Variants in GALNT14 observed in about 807,000 individuals in gnomAD.
GALNT14 encodes polypeptide N-acetylgalactosaminyltransferase 14, also known as UDP-GalNAc:polypeptide N-acetylgalactosaminyltransferase 14.
GALNT14 carries 60 observed loss-of-function variants against 77.5 expected under a neutral mutation model. The observed-to-expected ratio is 0.77, with a 90% CI of 0.63 to 0.96. The LOEUF (loss-of-function observed/expected upper bound fraction) is 0.96, where lower values mean the gene tolerates loss of function less well. Among genes scored for constraint, GALNT14 ranks in the 40% least tolerant of loss-of-function variants. The pLI is 0.00. For missense variants in GALNT14, 710 were observed against 731.0 expected (o/e 0.97, Z 0.33); for synonymous variants, 280 against 281.7 (o/e 0.99, Z 0.06).
chr2:31,016,783 G>A (rs1024850314), intron 1 of GALNT14, among the ~76,000 whole-genome samples: 1 of 152,122 alleles, frequency 6.6e-6, no homozygotes, highest in African/African-American at 2.4e-5. Context: ...CGCCTGCCCT[G>A]TCTTGCTTCC....
At chr2:30,922,460 G>A (rs571876027) in intron 13 of GALNT14, among the ~76,000 whole-genome samples, 22 of 152,302 alleles carry the variant, frequency 1.4e-4, no homozygotes, top group African/African-American at 4.1e-4. Flanking sequence ...CAGCCTCACC[G>A]TCTGCTGCTC....
At chr2:31,022,739 A>C (rs1355570287) in intron 1 of GALNT14, among the ~76,000 whole-genome samples, 1 of 152,236 alleles carries the variant, frequency 6.6e-6, no homozygotes, top group East Asian at 1.9e-4. Context: ...AGTACTCCCT[A>C]ATATGTAATT....
At chr2:31,015,230 T>C (rs1671277549) in intron 1 of GALNT14, among the ~76,000 whole-genome samples, 1 of 150,014 alleles carries the variant, frequency 6.7e-6, no homozygotes, top group South Asian at 2.1e-4. Flanking sequence ...AGGCTGAGGT[T>C]GCAGTGAGCC....
chr2:31,013,046 A>T (rs1671132457), intron 1 of GALNT14, among the ~76,000 whole-genome samples: 1 of 152,220 alleles, frequency 6.6e-6, no homozygotes, highest in African/African-American at 2.4e-5. Context: ...AGGAAATCTA[A>T]TTACTGATAC....
chr2:30,969,709 C>T (rs1359793614), intron 2 of GALNT14, among the ~76,000 whole-genome samples: 1 of 152,130 alleles, frequency 6.6e-6, no homozygotes, highest in Non-Finnish European at 1.5e-5. Context: ...CCACGTGAGG[C>T]AGTTCCCAGA....
At chr2:31,089,045 G>A (rs1220871348) in intron 1 of GALNT14, among the ~76,000 whole-genome samples, 1 of 152,234 alleles carries the variant, frequency 6.6e-6, no homozygotes. Flanking sequence ...AGTGGAGAAT[G>A]TCTTTAGCCT....
At chr2:31,017,471 C>G (rs1251706849) in intron 1 of GALNT14, among the ~76,000 whole-genome samples, 3 of 152,144 alleles carry the variant, frequency 2.0e-5, no homozygotes, top group Admixed American at 1.3e-4. Context: ...TGAGAAAACA[C>G]AAGATTTTAA....
intron 1 of GALNT14, among the ~76,000 whole-genome samples, chr2:31,059,490 T>TG (rs1194027332): frequency 3.3e-5 from 5 of 151,978 alleles, no homozygotes; most frequent in Non-Finnish European, 5.9e-5. Context: ...TACGAGGAGG[T>TG]GGGGCCTTAG....
At chr2:30,919,162 T>C (rs1209050658) in intron 13 of GALNT14, among the ~76,000 whole-genome samples, 1 of 151,940 alleles carries the variant, frequency 6.6e-6, no homozygotes. Flanking sequence ...CTTTCACAAA[T>C]ATTTTTCTAG....
intron 2 of GALNT14, among the ~76,000 whole-genome samples, chr2:30,986,744 G>C (rs933743528): frequency 6.6e-6 from 1 of 152,274 alleles, no homozygotes; most frequent in African/African-American, 2.4e-5. Context: ...CAGTGAATTC[G>C]TTATTTAAAA....
At chr2:30,964,325 G>A (rs1573048574) in intron 3 of GALNT14, among the ~76,000 whole-genome samples, 1 of 152,148 alleles carries the variant, frequency 6.6e-6, no homozygotes, top group South Asian at 2.1e-4. Context: ...GCAGGGCTGT[G>A]GTCTGGCACT....
At position 30,910,622 on chromosome 2, in the gene GALNT14, C is replaced by T; in HGVS notation, c.*279G>A. ...AGGAAAAGGAACAATAAACACTTCC[C>T]ATTAGGTTTCTGTCTCCAGATACCA... On this transcript the variant is annotated 3_prime_UTR_variant, in exon 15 of 15. Transcript: ENST00000349752. 1 of 357,876 alleles carries T rather than the reference C, an allele frequency of 2.8e-6. No homozygotes were observed. 22.2% of individuals were successfully genotyped at this position (357,876 alleles called of 1,614,324 possible). A position where few individuals can be genotyped will look rare whatever the true frequency, so the allele number is the denominator to read the frequency against.
chr2:31,134,191 G>A (rs1486031525), intron 1 of GALNT14, among the ~76,000 whole-genome samples: 1 of 152,210 alleles, frequency 6.6e-6, no homozygotes, highest in Non-Finnish European at 1.5e-5. Flanking sequence ...TAAGGGTCGG[G>A]TAGTTCCCCA....
intron 1 of GALNT14, among the ~76,000 whole-genome samples, chr2:31,121,156 G>A (rs1678393726): frequency 6.6e-6 from 1 of 152,210 alleles, no homozygotes; most frequent in African/African-American, 2.4e-5. Flanking sequence ...CAGCATGCCT[G>A]TCCAAGGGCA....
At chr2:30,974,891 G>C (rs1668548327) in intron 2 of GALNT14, among the ~76,000 whole-genome samples, 1 of 152,254 alleles carries the variant, frequency 6.6e-6, no homozygotes, top group African/African-American at 2.4e-5. Context: ...AATGAGTGGA[G>C]GGATAAGTGA....
At chr2:31,126,485 C>A (rs554165501) in intron 1 of GALNT14, among the ~76,000 whole-genome samples, 6 of 152,146 alleles carry the variant, frequency 3.9e-5, no homozygotes, top group Non-Finnish European at 8.8e-5. Context: ...ACATGAAAAA[C>A]CAACCTAAGA....
the GALNT14 span, among the ~76,000 whole-genome samples, chr2:30,902,473 C>T: frequency 4.7e-4 from 72 of 152,240 alleles, 1 homozygote; most frequent in East Asian, 7.9e-3. Flanking sequence ...TCTTCGTTAT[C>T]ACCCCAAGGG....
intron 2 of GALNT14, among the ~76,000 whole-genome samples, chr2:30,979,260 A>C (rs1668835886): frequency 6.6e-6 from 1 of 152,226 alleles, no homozygotes; most frequent in Admixed American, 6.5e-5. Context: ...AGGGAGCAAG[A>C]GATATCTCAG....
At chr2:30,902,449 T>A in the GALNT14 span, among the ~76,000 whole-genome samples, 1 of 152,092 alleles carries the variant, frequency 6.6e-6, no homozygotes, top group African/African-American at 2.4e-5. Context: ...ACCCTCCACA[T>A]CCTTTAAGGT....
Sources: allele counts gnomAD v4.1 joint callset (sites outside exome capture counted in the v4.1 genomes callset), GRCh38; gene constraint gnomAD v4.1.1; transcripts MANE v1.5; gene names NCBI Gene and HGNC (gene_info 2026-07-23, HGNC 2026-07-21).